CHN1: variants seen among roughly 807,000 people sequenced by gnomAD.
The protein encoded by CHN1 is N-chimaerin.
In CHN1, 37 loss-of-function variants were observed where a neutral mutation model predicts 59.5. The ratio of observed to expected loss-of-function variants is 0.62; its 90% CI spans 0.48 to 0.82. The LOEUF is 0.82. CHN1 is among the 40% of genes least tolerant of loss of function. CHN1 has a pLI of 0.00. For synonymous variants in CHN1, 206 were observed against 200.4 expected, an observed-to-expected ratio of 1.03 and a Z score of -0.24; for missense variants, 469 against 571.0, an observed-to-expected ratio of 0.82 and a Z score of 1.82.
intron 6 of CHN1, among the ~76,000 whole-genome samples, chr2:174,854,104 CA>C (rs1686828280): frequency 1.3e-5 from 2 of 152,034 alleles, no homozygotes; most frequent in Admixed American, 6.6e-5. Context: ...GTTAATACTT[CA>C]AAAAATATGA....
chr2:174,993,447 T>A, intron 1 of CHN1, among the ~76,000 whole-genome samples: 1 of 152,056 alleles, frequency 6.6e-6, no homozygotes, highest in East Asian at 1.9e-4. Context: ...TGAATGACAT[T>A]CACAAACACC....
At chr2:174,902,262 A>G (rs1688407630) in intron 5 of CHN1, among the ~76,000 whole-genome samples, 1 of 152,192 alleles carries the variant, frequency 6.6e-6, no homozygotes, top group South Asian at 2.1e-4. Flanking sequence ...TTTTTCAAGT[A>G]AGGGATGCCT....
At chr2:174,885,342 C>T (rs1464824866) in intron 5 of CHN1, among the ~76,000 whole-genome samples, 1 of 151,390 alleles carries the variant, frequency 6.6e-6, no homozygotes, top group Admixed American at 6.6e-5. Flanking sequence ...AAAATATAAT[C>T]AGGTTACCGT....
chr2:174,997,312 T>C lies in CHN1; in HGVS notation c.19+7582A>G, dbSNP rs139285782. Among the ~76,000 whole-genome samples, 567 of 152,298 alleles carry C rather than the reference T, an allele frequency of 3.7e-3. 4 individuals carry two copies. Among genetic ancestry groups the C allele is most frequent in the African/African-American group, 0.013 (543 of 41,548 alleles). On this transcript the variant is annotated intron_variant, in intron 1 of 12. Coordinates refer to ENST00000409900, the MANE Select transcript of CHN1 (RefSeq NM_001822.7). Reference sequence around the variant, plus strand: ...TTTTCACACACTTTTGCTTATGACATCACCTCTTACAAGCCTTCTTAGTAA... The same window carrying C: ...TTTTCACACACTTTTGCTTATGACACCACCTCTTACAAGCCTTCTTAGTAA...
intron 1 of CHN1, among the ~76,000 whole-genome samples, chr2:174,953,793 T>C (rs1330972227): frequency 1.3e-5 from 2 of 152,100 alleles, no homozygotes; most frequent in Non-Finnish European, 2.9e-5. Flanking sequence ...AAATCATAGA[T>C]GAAACAAACA....
intron 5 of CHN1, among the ~76,000 whole-genome samples, chr2:174,904,330 T>C (rs1688478754): frequency 6.6e-6 from 1 of 152,180 alleles, no homozygotes; most frequent in African/African-American, 2.4e-5. Flanking sequence ...TCCTGTGTCA[T>C]ACCTCTTGTC....
chr2:174,832,373 A>G (rs773578003), intron 7 of CHN1, among the ~76,000 whole-genome samples: 9 of 151,924 alleles, frequency 5.9e-5, no homozygotes, highest in Non-Finnish European at 1.2e-4. Flanking sequence ...TTCTTTTTCT[A>G]GTTTCTTAAG....
At chr2:174,803,316 T>C (rs1684787448) in intron 11 of CHN1, among the ~76,000 whole-genome samples, 1 of 152,192 alleles carries the variant, frequency 6.6e-6, no homozygotes, top group African/African-American at 2.4e-5. Flanking sequence ...GACTGAAGCT[T>C]TTTAATTCAA....
intron 6 of CHN1, among the ~76,000 whole-genome samples, chr2:174,873,953 T>C (rs1423195339): frequency 6.6e-6 from 1 of 152,204 alleles, no homozygotes; most frequent in East Asian, 1.9e-4. Flanking sequence ...CAGGCATCCT[T>C]ACATGTGGGA....
chr2:174,900,855 G>C (rs963026185), intron 5 of CHN1, among the ~76,000 whole-genome samples: 5 of 150,210 alleles, frequency 3.3e-5, no homozygotes, highest in Non-Finnish European at 7.4e-5. Context: ...GTGCTATCTA[G>C]GGCAAAGAAA....
At chr2:174,814,574 G>C (rs532700552) in intron 8 of CHN1, among the ~76,000 whole-genome samples, 5 of 152,178 alleles carry the variant, frequency 3.3e-5, no homozygotes, top group African/African-American at 1.2e-4. Flanking sequence ...GTGTAAAATG[G>C]GAACAATAAT....
rs564395636 is a variant in CHN1, at chr2:174,996,131, G to A, written c.19+8763C>T. Among the ~76,000 whole-genome samples, 14 of 152,294 alleles carry A rather than the reference G, an allele frequency of 9.2e-5. No homozygotes were observed. The South Asian group carries it at 1.0e-3, about 11-fold the overall frequency. On this transcript the variant is annotated intron_variant, in intron 1 of 12. Coordinates refer to ENST00000409900, the MANE Select transcript of CHN1 (RefSeq NM_001822.7). ...CCGCTGAGGATAAGGGGAGACTACT[G>A]TATAGTCTGGGTTACCTCCCAAAGG...
intron 6 of CHN1, among the ~76,000 whole-genome samples, chr2:174,849,062 G>C (rs1406123624): frequency 1.3e-5 from 2 of 152,126 alleles, no homozygotes; most frequent in African/African-American, 2.4e-5. Context: ...AAGTTGAACA[G>C]TAAAATTTTT....
intron 6 of CHN1, among the ~76,000 whole-genome samples, chr2:174,862,499 A>G (rs1289966137): frequency 6.6e-6 from 1 of 151,886 alleles, no homozygotes; most frequent in Non-Finnish European, 1.5e-5. Flanking sequence ...CACCCAGCTA[A>G]TTTTTGTATT....
chr2:174,917,398 C>T (rs1257841920), intron 4 of CHN1, among the ~76,000 whole-genome samples: 1 of 151,674 alleles, frequency 6.6e-6, no homozygotes, highest in Non-Finnish European at 1.5e-5. Context: ...CGCACCATTG[C>T]ACTCCAGCCT....
chr2:174,894,039 T>C (rs549616091), intron 5 of CHN1, among the ~76,000 whole-genome samples: 1 of 152,096 alleles, frequency 6.6e-6, no homozygotes, highest in Admixed American at 6.5e-5. Flanking sequence ...GGGAAAAACA[T>C]CATGACATTG....
chr2:174,982,227 T>C (rs1010211679), intron 1 of CHN1, among the ~76,000 whole-genome samples: 5 of 152,212 alleles, frequency 3.3e-5, no homozygotes, highest in African/African-American at 1.2e-4. Flanking sequence ...TTCCAGGTCT[T>C]TGCTATTGTG....
chr2:174,938,085 C>A (rs1307954435), intron 3 of CHN1, among the ~76,000 whole-genome samples: 2 of 152,040 alleles, frequency 1.3e-5, no homozygotes, highest in African/African-American at 2.4e-5. Context: ...CTCAAGTGAT[C>A]CTCCCGCCTC....
chr2:174,914,845 A>G (rs1311790611), intron 5 of CHN1, among the ~76,000 whole-genome samples: 10 of 150,550 alleles, frequency 6.6e-5, no homozygotes, highest in African/African-American at 2.5e-4. Flanking sequence ...TTCCATTCAA[A>G]AAAAAAAAAA....
Sources: gnomAD v4.1 joint callset for allele counts (sites outside exome capture counted in the v4.1 genomes callset) on GRCh38, gnomAD v4.1.1 for gene constraint, MANE v1.5 for transcripts, NCBI Gene and HGNC (gene_info 2026-07-23, HGNC 2026-07-21) for gene names.